The following SPATA13 variants were observed in gnomAD, a reference collection of about 807,000 sequenced individuals.
SPATA13 encodes spermatogenesis-associated protein 13.
Under a neutral mutation model 104.0 loss-of-function variants are expected in SPATA13, and 50 were observed. The observed-to-expected ratio is 0.48, with a 90% CI of 0.38 to 0.61. The LOEUF (loss-of-function observed/expected upper bound fraction) is 0.61. Among genes scored for constraint, SPATA13 ranks in the 20% least tolerant of loss-of-function variants. The probability of loss-of-function intolerance (pLI) is 0.00; values close to 1 mark genes in which losing one functional copy is unlikely to be tolerated. For synonymous variants in SPATA13, 606 were observed against 667.5 expected (o/e 0.91, Z 1.42); for missense variants, 1,524 against 1,690.6 (o/e 0.90, Z 1.73).
chr13:23,994,737 G>A (rs7992902), intron 2 of SPATA13, among the ~76,000 whole-genome samples: 37,082 of 152,056 alleles, frequency 0.24, 5,134 homozygotes, highest in Non-Finnish European at 0.31. Flanking sequence ...GAGGAATAAA[G>A]AGCACTCAGT....
At chr13:24,211,705 C>T (rs1192481699) in intron 1 of SPATA13, among the ~76,000 whole-genome samples, 3 of 152,112 alleles carry the variant, frequency 2.0e-5, no homozygotes, top group Non-Finnish European at 4.4e-5. Flanking sequence ...CAGCCCACGG[C>T]CAGGATTATC....
chr13:24,189,406 G>A (rs1024582201), intron 1 of SPATA13, among the ~76,000 whole-genome samples: 3 of 149,942 alleles, frequency 2.0e-5, no homozygotes, highest in East Asian at 1.9e-4. Context: ...CCCAGGGGGC[G>A]GAGCTTGCAG....
rs528863941 is a variant in SPATA13 at position 24,133,477 on chromosome 13, C to T, written c.-111-89342C>T. Among the ~76,000 whole-genome samples, 11 of 152,184 alleles carry T rather than the reference C, an allele frequency of 7.2e-5. No individual in the cohort carries two copies. The East Asian group carries it at 1.2e-3, about 16-fold the overall frequency. ...TGGGCACAGGAAGGACAGACAGGGT[C>T]GGCCCTGGAACTAGATACCCCTGCT... On this transcript the variant is annotated intron_variant, in intron 3 of 14. Transcript: ENST00000424834.
intron 1 of SPATA13, among the ~76,000 whole-genome samples, chr13:24,195,393 G>T (rs1222118367): frequency 6.6e-6 from 1 of 152,096 alleles, no homozygotes; most frequent in Non-Finnish European, 1.5e-5. Flanking sequence ...TGACCATTAT[G>T]AATAATGCTG....
At chr13:24,173,738 G>A (rs577850892) in intron 1 of SPATA13, among the ~76,000 whole-genome samples, 11 of 152,012 alleles carry the variant, frequency 7.2e-5, no homozygotes, top group African/African-American at 2.4e-4. Flanking sequence ...TTCTTCTTCA[G>A]CCTGTTAATA....
intron 2 of SPATA13, among the ~76,000 whole-genome samples, chr13:23,991,051 G>A (rs1390134764): frequency 6.6e-6 from 1 of 152,202 alleles, no homozygotes; most frequent in African/African-American, 2.4e-5. Context: ...TTAAGATCAG[G>A]CAGAGGAGAA....
chr13:24,115,399 A>G (rs539126714), intron 3 of SPATA13, among the ~76,000 whole-genome samples: 10 of 152,248 alleles, frequency 6.6e-5, no homozygotes, highest in Non-Finnish European at 1.3e-4. Flanking sequence ...GTGAGTGAGC[A>G]TTACTGCCTG....
At chr13:24,123,248 A>G in intron 3 of SPATA13, 1 of 1,601,694 alleles carries the variant, frequency 6.2e-7, no homozygotes, top group Non-Finnish European at 8.5e-7. Context: ...GGGCAATGGC[A>G]GCTTCCACTT....
intron 4 of SPATA13, chr13:24,270,617 C>T (rs766409433): frequency 7.5e-6 from 6 of 803,958 alleles, no homozygotes; most frequent in East Asian, 5.4e-5. Context: ...TTAGAATTCT[C>T]TCCTGAAGTC....
intron 3 of SPATA13, among the ~76,000 whole-genome samples, chr13:24,128,264 G>A (rs759613138): frequency 6.6e-6 from 1 of 152,188 alleles, no homozygotes; most frequent in Non-Finnish European, 1.5e-5. Flanking sequence ...CCGGAGGGGT[G>A]ACCTACACGT....
chr13:24,138,056 T>C (rs998709248), intron 3 of SPATA13, among the ~76,000 whole-genome samples: 1 of 151,876 alleles, frequency 6.6e-6, no homozygotes, highest in Non-Finnish European at 1.5e-5. Context: ...ATCCCAGCAG[T>C]TTGGGAGGCC....
intron 2 of SPATA13, among the ~76,000 whole-genome samples, chr13:24,236,140 G>A (rs943766855): frequency 2.0e-5 from 3 of 152,212 alleles, no homozygotes; most frequent in Admixed American, 6.5e-5. Flanking sequence ...GCTTTGGGAT[G>A]TGGCTTGCAG....
intron 1 of SPATA13, among the ~76,000 whole-genome samples, chr13:24,199,171 G>C (rs1870261919): frequency 6.6e-6 from 1 of 152,096 alleles, no homozygotes; most frequent in Non-Finnish European, 1.5e-5. Context: ...TTACAGGCCT[G>C]AGCCACTGCG....
chr13:24,214,915 T>C (rs1871199501), intron 1 of SPATA13, among the ~76,000 whole-genome samples: 1 of 152,248 alleles, frequency 6.6e-6, no homozygotes, highest in Admixed American at 6.5e-5. Flanking sequence ...CAGAATATAG[T>C]ACTTGCTTTC....
chr13:24,263,918 C>T (rs191927488), intron 4 of SPATA13, among the ~76,000 whole-genome samples: 4 of 152,214 alleles, frequency 2.6e-5, no homozygotes, highest in Admixed American at 2.0e-4. Context: ...CCACAGAGTC[C>T]GAAGGAATTT....
chr13:24,224,666 C>T (rs967174924), intron 2 of SPATA13, 84 bp downstream of exon 2: 2 of 1,421,566 alleles, frequency 1.4e-6, no homozygotes, highest in Non-Finnish European at 1.9e-6. Flanking sequence ...GGTCCCTAAC[C>T]TGTCAAGGTC....
Position 24,224,109 on chromosome 13 carries a change from G to A in SPATA13, c.1180G>A (p.Gly394Ser), listed in dbSNP as rs774040477. Residue 394 changes from glycine (G) to serine (S), a missense_variant, in exon 2 of 13, where the codon GGC becomes AGC. Gly to Ser is a moderately conservative substitution (Grantham distance 56). This residue lies in a region of SPATA13 where 1,089 missense variants were observed against 1,135.9 expected (regional missense o/e 0.96). Transcript: ENST00000382108. ...TATCTVAPGF[G>S]SATSKGPHLD... ...AACCTGCACCGTGGCCCCCGGTTTC[G>A]GCTCAGCCACCTCTAAGGGGCCCCA... 8.4e-6 allele frequency: 13 copies of A among 1,551,392 alleles called. No homozygotes were observed. The highest frequency in any genetic ancestry group is 7.1e-5 in the South Asian group (6 of 84,060).
At chr13:24,239,932 A>G (rs1872751499) in intron 2 of SPATA13, among the ~76,000 whole-genome samples, 1 of 151,792 alleles carries the variant, frequency 6.6e-6, no homozygotes. Context: ...ATGTTTTAAG[A>G]TGTGGTCATT....
At chr13:24,212,544 G>A (rs751705473) in intron 1 of SPATA13, among the ~76,000 whole-genome samples, 6 of 152,156 alleles carry the variant, frequency 3.9e-5, no homozygotes, top group Non-Finnish European at 7.4e-5. Flanking sequence ...AGAACTATTG[G>A]GACTTAGAGA....
Sources: allele counts gnomAD v4.1 joint callset (sites outside exome capture counted in the v4.1 genomes callset), GRCh38; gene constraint gnomAD v4.1.1; regional missense constraint gnomAD v4.1.1; transcripts MANE v1.5; gene names NCBI Gene and HGNC (gene_info 2026-07-23, HGNC 2026-07-21).